FANCB: variants seen among roughly 807,000 people sequenced by gnomAD.
FANCB encodes FA complementation group B.
FANCB carries 5 observed loss-of-function variants against 38.9 expected under a neutral mutation model. The ratio of observed to expected loss-of-function variants is 0.13; its 90% CI spans 0.07 to 0.27. The LOEUF is 0.27. FANCB is among the 10% of genes least tolerant of loss of function. The pLI is 1.00. For missense variants in FANCB, 573 were observed against 602.7 expected (o/e 0.95, Z 0.52); for synonymous variants, 236 against 215.4 (o/e 1.10, Z -0.84).
the FANCB span, among the ~76,000 whole-genome samples, chrX:14,776,524 T>TAGCG: frequency 1.8e-5 from 2 of 112,042 alleles, no homozygotes; most frequent in Non-Finnish European, 3.8e-5. Context: ...TGGTATTGAA[T>TAGCG]AGCGCACTCC....
At chrX:14,800,654 G>A in the FANCB span, among the ~76,000 whole-genome samples, 1 of 111,595 alleles carries the variant, frequency 9.0e-6, no homozygotes. Context: ...CCTCTTGTAC[G>A]GAACCCACAT....
the FANCB span, among the ~76,000 whole-genome samples, chrX:14,759,998 C>G: frequency 9.0e-6 from 1 of 111,043 alleles, no homozygotes; most frequent in Non-Finnish European, 1.9e-5. Flanking sequence ...TACAAGAGCT[C>G]CTGAAGGAAG....
the FANCB span, among the ~76,000 whole-genome samples, chrX:14,695,569 C>T: frequency 1.8e-5 from 2 of 111,978 alleles, no homozygotes; most frequent in Non-Finnish European, 3.8e-5. Context: ...TACTGAAGCA[C>T]AAAGAGGTTA....
the FANCB span, among the ~76,000 whole-genome samples, chrX:14,693,262 G>C: frequency 8.9e-6 from 1 of 111,809 alleles, no homozygotes; most frequent in Admixed American, 9.5e-5. Flanking sequence ...GATAGAGAAA[G>C]CTTCAAAGTA....
At chrX:14,690,637 G>C in the FANCB span, 1 of 746,009 alleles carries the variant, frequency 1.3e-6, no homozygotes, top group Non-Finnish European at 2.0e-6. Context: ...CTGGTTTCCT[G>C]GCAGGCTTTC....
chrX:14,729,487 G>A, the FANCB span, among the ~76,000 whole-genome samples: 1 of 111,418 alleles, frequency 9.0e-6, no homozygotes, highest in Admixed American at 9.6e-5. Flanking sequence ...TCTAATTTAT[G>A]TAGAAATAAT....
chrX:14,860,689 T>C (rs1302913055), intron 3 of FANCB, among the ~76,000 whole-genome samples: 2 of 112,362 alleles, frequency 1.8e-5, no homozygotes, highest in African/African-American at 3.2e-5. Context: ...TTTCTATTCA[T>C]CTTTGAAATT....
At chrX:14,789,793 G>A in the FANCB span, among the ~76,000 whole-genome samples, 2 of 111,856 alleles carry the variant, frequency 1.8e-5, no homozygotes, top group African/African-American at 3.3e-5. Context: ...GAGGTAACAT[G>A]GTGAAGACAT....
the FANCB span, among the ~76,000 whole-genome samples, chrX:14,751,335 A>G: frequency 1.8e-5 from 2 of 112,653 alleles, no homozygotes; most frequent in Non-Finnish European, 3.7e-5. Context: ...AGCTACGTGC[A>G]CCAATATGGA....
chrX:14,742,353 C>A, the FANCB span, among the ~76,000 whole-genome samples: 1 of 111,827 alleles, frequency 8.9e-6, no homozygotes, highest in Admixed American at 9.5e-5. Context: ...TTTGCCCATT[C>A]TTCCGGAAGG....
the FANCB span, among the ~76,000 whole-genome samples, chrX:14,756,160 C>T: frequency 8.9e-6 from 1 of 111,992 alleles, no homozygotes; most frequent in Non-Finnish European, 1.9e-5. Context: ...CCTACAGCCA[C>T]ATACAAAAAT....
At chrX:14,742,598 C>T in the FANCB span, among the ~76,000 whole-genome samples, 1 of 111,882 alleles carries the variant, frequency 8.9e-6, no homozygotes, top group Admixed American at 9.5e-5. Context: ...TCCTACCCAC[C>T]GTTAATTAAT....
chrX:14,719,170 T>G, the FANCB span, among the ~76,000 whole-genome samples: 6 of 110,754 alleles, frequency 5.4e-5, no homozygotes, highest in Non-Finnish European at 1.1e-4. Context: ...TGGTGTTTTA[T>G]TTTATTTTCT....
At chrX:14,857,246 A>C (rs984229945) in intron 5 of FANCB, among the ~76,000 whole-genome samples, 11 of 112,564 alleles carry the variant, frequency 9.8e-5, no homozygotes, top group African/African-American at 3.5e-4. Context: ...TTACAAAAGA[A>C]CATACATCTT....
chrX:14,764,579 G>C, the FANCB span, among the ~76,000 whole-genome samples: 1 of 111,186 alleles, frequency 9.0e-6, no homozygotes, highest in East Asian at 2.8e-4. Context: ...CAAATCCAAG[G>C]CTCTGCCCAC....
At chrX:14,717,763 C>T in the FANCB span, among the ~76,000 whole-genome samples, 1 of 107,013 alleles carries the variant, frequency 9.3e-6, no homozygotes, top group Non-Finnish European at 1.9e-5. Flanking sequence ...AAAAACCCAT[C>T]GGTCAATAAA....
the FANCB span, among the ~76,000 whole-genome samples, chrX:14,740,888 C>T: frequency 2.7e-5 from 3 of 111,307 alleles, no homozygotes; most frequent in Non-Finnish European, 5.7e-5. Flanking sequence ...TTATATTTTT[C>T]ACAGCATTTG....
intron 9 of FANCB, 57 bp from the exon 10 acceptor site, chrX:14,844,038 T>C: frequency 2.0e-6 from 2 of 979,240 alleles, no homozygotes; most frequent in Middle Eastern, 3.0e-4. Flanking sequence ...AAAGCAGTCA[T>C]GTACAATATA....
At chrX:14,797,823 C>T in the FANCB span, among the ~76,000 whole-genome samples, 1 of 111,115 alleles carries the variant, frequency 9.0e-6, no homozygotes, top group Non-Finnish European at 1.9e-5. Flanking sequence ...AACCACATCT[C>T]GGGAGCTTAA....
Sources: gnomAD v4.1 joint callset for allele counts (sites outside exome capture counted in the v4.1 genomes callset) on GRCh38, gnomAD v4.1.1 for gene constraint, MANE v1.5 for transcripts, NCBI Gene and HGNC (gene_info 2026-07-23, HGNC 2026-07-21) for gene names.